CCDC91: variants seen among roughly 807,000 people sequenced by gnomAD.
CCDC91 encodes the protein coiled-coil domain-containing protein 91.
Under a neutral mutation model 63.2 loss-of-function variants are expected in CCDC91, and 48 were observed. The observed-to-expected ratio is 0.76, with a 90% CI of 0.60 to 0.97. The LOEUF is 0.97. Ranked by LOEUF, CCDC91 falls within the 50% of genes least tolerant of loss-of-function variation. The pLI, the probability that CCDC91 is intolerant of heterozygous loss-of-function variation, is 0.00. For synonymous variants in CCDC91, 167 were observed against 165.8 expected (o/e 1.01, Z -0.06); for missense variants, 500 against 494.6 (o/e 1.01, Z -0.10).
intron 8 of CCDC91, among the ~76,000 whole-genome samples, chr12:28,394,338 C>T (rs1036516427): frequency 1.6e-4 from 25 of 151,962 alleles, no homozygotes; most frequent in Admixed American, 5.9e-4. Context: ...TGGTGGCGGG[C>T]ACCTGTAGTC....
chr12:28,396,165 C>T (rs1461873607), intron 8 of CCDC91, among the ~76,000 whole-genome samples: 1 of 152,150 alleles, frequency 6.6e-6, no homozygotes, highest in African/African-American at 2.4e-5. Flanking sequence ...AAAGTTAAGG[C>T]ATCTAAGTGA....
chr12:28,257,173 G>A, intron 1 of CCDC91, 29 bp from the exon 2 acceptor site: 1 of 1,474,166 alleles, frequency 6.8e-7, no homozygotes, highest in Non-Finnish European at 9.5e-7. Context: ...TGTGTGTGCG[G>A]GCTTGTTTCA....
At chr12:28,520,723 T>C (rs1161751032) in intron 12 of CCDC91, among the ~76,000 whole-genome samples, 1 of 152,236 alleles carries the variant, frequency 6.6e-6, no homozygotes, top group Non-Finnish European at 1.5e-5. Flanking sequence ...TTTAAGTCTT[T>C]AATCTATCTT....
Position 28,204,904 on chromosome 12 carries a change from A to G in CCDC91, c.-15+14263A>G, listed in dbSNP as rs1015081587. Among the ~76,000 whole-genome samples the G allele has an allele frequency of 5.4e-4, 82 of 152,338 alleles. 1 individual carries two copies. The highest frequency in any genetic ancestry group is 3.4e-3 in the Middle Eastern group (1 of 294). ...ATACGCAATTATAGGAATTTAGTAA[A>G]TAAAACTTTTTAGTATCATTGCTAC... On this transcript the variant is annotated intron_variant, in intron 1 of 12. Transcript: ENST00000536442.
At chr12:28,539,367 G>A (rs1249164545) in intron 12 of CCDC91, among the ~76,000 whole-genome samples, 1 of 151,996 alleles carries the variant, frequency 6.6e-6, no homozygotes, top group Admixed American at 6.6e-5. Flanking sequence ...ATAGGGAATC[G>A]TTTCCCCATT....
chr12:28,446,406 T>G (rs2140283741), intron 8 of CCDC91, among the ~76,000 whole-genome samples: 1 of 152,248 alleles, frequency 6.6e-6, no homozygotes, highest in Non-Finnish European at 1.5e-5. Flanking sequence ...AATGAAGAAG[T>G]TACTGACTCA....
Position 28,450,161 on chromosome 12 carries a change from C to T in CCDC91, c.763C>T (p.His255Tyr). 6.3e-7 allele frequency: 1 copy of T among 1,584,064 alleles called. No homozygotes were observed. The highest frequency in any genetic ancestry group is 1.7e-4 in the Middle Eastern group (1 of 5,768). ...ATAATTTGCTTATCATTCCTTGTAG[C>T]ATCAGAGGCTCCTTGAAATGCTAGA... ...HKCEELLNAQ[H>Y]QRLLEMLDTE... Residue 255 changes from histidine (H) to tyrosine (Y), a missense_variant and splice_region_variant, in exon 9 of 13, where the codon CAT (histidine) becomes TAT (tyrosine). Transcript: ENST00000536442.
At chr12:28,210,885 A>G (rs1035031171) in intron 1 of CCDC91, among the ~76,000 whole-genome samples, 3 of 152,008 alleles carry the variant, frequency 2.0e-5, no homozygotes, top group African/African-American at 7.3e-5. Flanking sequence ...CCAAATAGTT[A>G]CAAAGTCAAG....
At chr12:28,500,130 A>G (rs1328658683) in intron 12 of CCDC91, among the ~76,000 whole-genome samples, 1 of 150,924 alleles carries the variant, frequency 6.6e-6, no homozygotes, top group Non-Finnish European at 1.5e-5. Flanking sequence ...TTTGTTGACT[A>G]CATAAATGTC....
chr12:28,338,534 T>G (rs1249144200), intron 6 of CCDC91, among the ~76,000 whole-genome samples: 1 of 152,114 alleles, frequency 6.6e-6, no homozygotes, highest in African/African-American at 2.4e-5. Flanking sequence ...GGGGTAATCA[T>G]GCAAATAATA....
chr12:28,298,653 C>G (rs1380630884), intron 3 of CCDC91, among the ~76,000 whole-genome samples: 1 of 149,938 alleles, frequency 6.7e-6, no homozygotes, highest in African/African-American at 2.4e-5. Flanking sequence ...AATTTTTCTT[C>G]TATCCTATCC....
intron 1 of CCDC91, among the ~76,000 whole-genome samples, chr12:28,228,974 T>C (rs995683727): frequency 6.6e-6 from 1 of 152,122 alleles, no homozygotes; most frequent in Non-Finnish European, 1.5e-5. Flanking sequence ...TTTCAAAGGA[T>C]AGTACAACAT....
intron 7 of CCDC91, among the ~76,000 whole-genome samples, chr12:28,371,571 A>G (rs1592462944): frequency 6.6e-6 from 1 of 152,240 alleles, no homozygotes; most frequent in African/African-American, 2.4e-5. Context: ...AATTATATGC[A>G]TATTATTTTA....
intron 8 of CCDC91, among the ~76,000 whole-genome samples, chr12:28,421,026 C>T (rs1264379533): frequency 6.6e-6 from 1 of 151,966 alleles, no homozygotes; most frequent in Non-Finnish European, 1.5e-5. Flanking sequence ...GCATAGATTT[C>T]TAGCAGTGGA....
At chr12:28,298,779 CAT>C (rs112509141) in intron 3 of CCDC91, among the ~76,000 whole-genome samples, 2 of 148,634 alleles carry the variant, frequency 1.3e-5, no homozygotes. Context: ...CTTGTGTGCA[CAT>C]ATATATATAT....
chr12:28,455,483 C>T (rs1950013936), intron 11 of CCDC91, among the ~76,000 whole-genome samples: 1 of 152,062 alleles, frequency 6.6e-6, no homozygotes, highest in Non-Finnish European at 1.5e-5. Flanking sequence ...CTGAGTTTCA[C>T]ATTTATAATT....
At chr12:28,338,699 T>TAC (rs1297562579) in intron 6 of CCDC91, among the ~76,000 whole-genome samples, 2 of 151,694 alleles carry the variant, frequency 1.3e-5, no homozygotes, top group African/African-American at 4.8e-5. Flanking sequence ...GTGGGGAAAA[T>TAC]ACACTGTATA....
chr12:28,401,282 C>T (rs1488769966), intron 8 of CCDC91, among the ~76,000 whole-genome samples: 3 of 152,164 alleles, frequency 2.0e-5, no homozygotes, highest in African/African-American at 7.2e-5. Context: ...ACATGTCCTT[C>T]CTCACATGAC....
intron 1 of CCDC91, among the ~76,000 whole-genome samples, chr12:28,201,306 T>C (rs62020845): frequency 1.5e-5 from 2 of 137,416 alleles, no homozygotes; most frequent in Admixed American, 7.1e-5. Flanking sequence ...TCCTCACTTC[T>C]CAGACGGGGC....
Sources: gnomAD v4.1 joint callset for allele counts (sites outside exome capture counted in the v4.1 genomes callset) on GRCh38, gnomAD v4.1.1 for gene constraint, MANE v1.5 for transcripts, NCBI Gene and HGNC (gene_info 2026-07-23, HGNC 2026-07-21) for gene names.